KMT2D: variants seen among roughly 807,000 people sequenced by gnomAD.
The protein encoded by KMT2D is lysine methyltransferase 2D.
KMT2D carries 55 observed loss-of-function variants against 512.7 expected under a neutral mutation model. The observed-to-expected ratio is 0.11, with a 90% CI of 0.09 to 0.13. The LOEUF is 0.13. Ranked by LOEUF, KMT2D falls within the 10% of genes least tolerant of loss-of-function variation. The probability of loss-of-function intolerance (pLI) is 1.00; values close to 1 mark genes in which losing one functional copy is unlikely to be tolerated. For synonymous variants in KMT2D, 2,995 were observed against 2,904.0 expected (o/e 1.03, Z -1.01); for missense variants, 6,061 against 7,127.9 (o/e 0.85, Z 5.39).
At chr12:49,028,761 C>T (rs1036889719) in intron 46 of KMT2D, 67 bp downstream of exon 46, 2 of 1,588,680 alleles carry the variant, frequency 1.3e-6, no homozygotes, top group Admixed American at 3.5e-5. Flanking sequence ...TTTCCTTATC[C>T]AGACAAATTC....
rs2120541265 is a variant in KMT2D at position 49,041,083 on chromosome 12, G to A, written c.6687C>T (p.Thr2229=). 6.5e-7 allele frequency: 1 copy of A among 1,536,204 alleles called. No individual in the cohort carries two copies. The highest frequency in any genetic ancestry group is 1.3e-5 in the South Asian group (1 of 77,074). ...GCTGGTGTCTGGGGGTGCCAGGTGG[G>A]GTAGTGTGGAATTCCCCTGGCTGGC... The part of the protein sequence containing the change: ...GAGQPGEFHT[T]PPGTPRHQPS... Residue 2229 remains threonine, a synonymous_variant, in exon 32 of 55, where the codon ACC becomes ACT. Coordinates refer to ENST00000301067, the MANE Select transcript of KMT2D (RefSeq NM_003482.4). The surrounding 1 kb of genome is among the most constrained non-coding windows in gnomAD (Gnocchi z 5.4).
chr12:49,029,692 T>G (rs1265156981), intron 43 of KMT2D, among the ~76,000 whole-genome samples: 5 of 150,658 alleles, frequency 3.3e-5, no homozygotes, highest in Non-Finnish European at 7.4e-5. Context: ...TTTTTTTTTT[T>G]TCCCGTAGAG....
intron 19 of KMT2D, among the ~76,000 whole-genome samples, chr12:49,045,531 C>G (rs1943743468): frequency 6.6e-6 from 1 of 151,650 alleles, no homozygotes; most frequent in Admixed American, 6.6e-5. Context: ...GTAGTCCCAG[C>G]TACTCAGGAG....
At position 49,030,960 on chromosome 12, in the gene KMT2D, G is replaced by T. The variant is rs2120412366; in HGVS notation, c.13604C>A (p.Ser4535Tyr). The T allele has an allele frequency of 6.2e-7, 1 of 1,613,944 alleles. No individual in the cohort carries two copies. Among genetic ancestry groups the T allele is most frequent in the Non-Finnish European group, 8.5e-7 (1 of 1,179,858 alleles). ...VQKASDRLVSSRKKLRKEDGV... is the reference protein window; with the variant it reads ...VQKASDRLVSYRKKLRKEDGV... ...GTCCTCCTTCCGCAGCTTCTTTCGG[G>T]AGCTCACCAACCTGTCGCTTGCCTT... The change falls in exon 41 of 55, where the codon TCC (serine) becomes TAC (tyrosine). Residue 4535 changes from serine to tyrosine, a missense_variant. Coordinates refer to ENST00000301067, the MANE Select transcript of KMT2D (RefSeq NM_003482.4).
intron 35 of KMT2D, 106 bp downstream of exon 35, chr12:49,037,019 T>G: frequency 7.2e-7 from 1 of 1,398,092 alleles, no homozygotes; most frequent in Non-Finnish European, 9.5e-7. Context: ...AAGTTCTTTG[T>G]GTCCCATCTT....
intron 1 of KMT2D, among the ~76,000 whole-genome samples, chr12:49,058,041 G>A (rs1206585468): frequency 6.6e-6 from 1 of 152,214 alleles, no homozygotes; most frequent in Non-Finnish European, 1.5e-5. Flanking sequence ...TTGGAGAAGT[G>A]TAAGGCTGAA....
rs200939188 is a variant in KMT2D at position 49,051,718 on chromosome 12, G to A, written c.1965C>T (p.Pro655=). 6 of 1,545,360 alleles carry A rather than the reference G, an allele frequency of 3.9e-6. No individual in the cohort carries two copies. The highest frequency in any genetic ancestry group is 2.4e-5 in the East Asian group (1 of 40,830). Residue 655 remains proline, a synonymous_variant, in exon 11 of 55, where the codon CCC becomes CCT. Transcript: ENST00000301067. ...GAGACAGGCGTGACACCACAGGCAG[G>A]GGGGATAGGCGCGATACCTCAGGTG... ...SPPPEVSRLS[P]LPVVSRLSPP...
chr12:49,043,612 C>A (rs2120570828), intron 24 of KMT2D, 23 bp downstream of exon 24: 2 of 1,613,320 alleles, frequency 1.2e-6, no homozygotes, highest in Non-Finnish European at 1.7e-6. Context: ...TTCTCTCACA[C>A]CACTCACTCC....
At position 49,054,715 on chromosome 12, in the gene KMT2D, G is replaced by C. The variant is rs372109249; in HGVS notation, c.213C>G (p.Cys71Trp). 1 of 1,613,566 alleles carries C rather than the reference G, an allele frequency of 6.2e-7. No individual in the cohort carries two copies. Among genetic ancestry groups the C allele is most frequent in the Non-Finnish European group, 8.5e-7 (1 of 1,179,676 alleles). The change falls in exon 4 of 55, where the codon TGC becomes TGG. Residue 71 changes from cysteine (C) to tryptophan (W), a missense_variant. Coordinates refer to ENST00000301067, the MANE Select transcript of KMT2D (RefSeq NM_003482.4). The surrounding 1 kb of genome is among the most constrained non-coding windows in gnomAD (Gnocchi z 6.4). The stretch of plus-strand genomic sequence containing the variant: ...GCTGCCCGTGTAGACTGGGCTCCCC[G>C]CAGTTACAGAGAGCACAACGCCGCA... ...GPVRRCALCN[C>W]GEPSLHGQRE...
Position 49,031,646 on chromosome 12 carries a change from C to T in KMT2D, c.13059G>A (p.Pro4353=), listed in dbSNP as rs989061149. Residue 4353 remains proline, a synonymous_variant, in exon 40 of 55, where the codon CCG becomes CCA. Coordinates refer to ENST00000301067, the MANE Select transcript of KMT2D (RefSeq NM_003482.4). ...TPKPQGPTLE[P]PPGRVSPAAA... is the part of the protein sequence containing the mutation. Reference sequence around the variant, plus strand: ...CAGCAGGTGAGACCCTCCCAGGAGGCGGCTCCAAGGTTGGCCCCTGAGGTT... The same window carrying T: ...CAGCAGGTGAGACCCTCCCAGGAGGTGGCTCCAAGGTTGGCCCCTGAGGTT... 15 of 1,605,346 alleles carry T rather than the reference C, an allele frequency of 9.3e-6. No homozygotes were observed. Among genetic ancestry groups the T allele is most frequent in the African/African-American group, 6.7e-5 (5 of 74,814 alleles).
At position 49,050,721 on chromosome 12, in the gene KMT2D, T is replaced by C. The variant is rs1777306354; in HGVS notation, c.2867A>G (p.Glu956Gly). ...TTTGGCACCAAAGGGGTACTCTAAC[T>C]CCCCCAAAGGAGACAGGGCCGGTGG... is the stretch of plus-strand genomic sequence containing the variant. ...AAPPALSPLG[E>G]LEYPFGAKGD... The change falls in exon 12 of 55, where the codon GAG (glutamate) becomes GGG (glycine). Residue 956 changes from glutamate (E) to glycine (G), a missense_variant. Around this residue, in one of 16 missense-constraint regions of KMT2D, gnomAD observed 848 missense variants for 838.5 expected, o/e 1.01. Coordinates refer to ENST00000301067, the MANE Select transcript of KMT2D (RefSeq NM_003482.4). The C allele has an allele frequency of 6.2e-7, 1 of 1,612,108 alleles. No individual in the cohort carries two copies. The highest frequency in any genetic ancestry group is 1.7e-5 in the Admixed American group (1 of 59,880).
intron 19 of KMT2D, among the ~76,000 whole-genome samples, chr12:49,045,432 C>T (rs1048492570): frequency 1.3e-5 from 2 of 151,986 alleles, no homozygotes; most frequent in Non-Finnish European, 2.9e-5. Context: ...TCACGAGGTC[C>T]GGAGATCGAG....
At position 49,051,173 on chromosome 12, in the gene KMT2D, G is replaced by A. The variant is rs749344235; in HGVS notation, c.2510C>T (p.Ser837Phe). The change falls in exon 11 of 55, where the codon TCT becomes TTT. Residue 837 changes from serine to phenylalanine, a missense_variant. By Grantham distance (155) the Ser-to-Phe change is radical (BLOSUM62 -2). This residue lies in a region of KMT2D where 848 missense variants were observed against 838.5 expected (regional missense o/e 1.01). Transcript: ENST00000301067. ...QPEESHLSPQ[S>F]EEPCLSPRPE... ...CCGGGGGGACAGGCATGGCTCCTCA[G>A]ACTGGGGGGACAGGTGTGATTCCTC... 6.6e-7 allele frequency: 1 copy of A among 1,515,278 alleles called. No homozygotes were observed. Among genetic ancestry groups the A allele is most frequent in the Non-Finnish European group, 8.9e-7 (1 of 1,128,990 alleles). The allele number at this position is 1,515,278 out of a possible 1,614,324, so 93.9% of individuals were successfully genotyped here. A position where few individuals can be genotyped will look rare whatever the true frequency, so the allele number is the denominator to read the frequency against.
chr12:49,039,648 C>T lies in KMT2D; in HGVS notation c.8047-31G>A, dbSNP rs2120514067. 6.2e-7 allele frequency: 1 copy of T among 1,602,726 alleles called. No individual in the cohort carries two copies. Among genetic ancestry groups the T allele is most frequent in the East Asian group, 2.2e-5 (1 of 44,756 alleles). On this transcript the variant is annotated intron_variant, in intron 32 of 54. Coordinates refer to ENST00000301067, the MANE Select transcript of KMT2D (RefSeq NM_003482.4). This position sits in a 1 kb window ranked among gnomAD's most constrained non-coding sequence, Gnocchi z 5.0. ...CAAAAAAAAGAGAAGAGGAATAAGC[C>T]CATTCTACTCCAATCATAGGGCTGC...
rs1425343764 is a variant in KMT2D, at chr12:49,049,913, G to C, written c.3675C>G (p.Pro1225=). ...DASASFPGSE[P]LLGSPDPEGG... is the part of the protein sequence containing the mutation. ...CCTCCGGGTCTGGAGAGCCCAGGAGGGGCTCTGAGCCAGGAAAACTGGCAC... is the reference window on the plus strand; with the variant it reads ...CCTCCGGGTCTGGAGAGCCCAGGAGCGGCTCTGAGCCAGGAAAACTGGCAC... Residue 1225 remains proline (P), a synonymous_variant, in exon 12 of 55, where the codon CCC becomes CCG. Coordinates refer to ENST00000301067, the MANE Select transcript of KMT2D (RefSeq NM_003482.4). The C allele has an allele frequency of 6.2e-7, 1 of 1,613,946 alleles. No homozygotes were observed. Among genetic ancestry groups the C allele is most frequent in the Non-Finnish European group, 8.5e-7 (1 of 1,179,898 alleles).
In KMT2D at chr12:49,046,030, C is replaced by A. The variant is rs765853101; in HGVS notation, c.4693+35G>T. The A allele has an allele frequency of 2.5e-6, 4 of 1,611,574 alleles. No homozygotes were observed. The Admixed American group carries it at 6.7e-5, about 27-fold the overall frequency. On this transcript the variant is annotated intron_variant, in intron 18 of 54. Transcript: ENST00000301067. The surrounding 1 kb of genome is among the most constrained non-coding windows in gnomAD (Gnocchi z 4.2). ...TGTCCCAAAGCAAGGTACCCCTGCT[C>A]TGACTCCTCCCCCTACCCAGCAGCT...
intron 49 of KMT2D, among the ~76,000 whole-genome samples, chr12:49,025,626 C>G (rs761431837): frequency 1.3e-5 from 2 of 152,160 alleles, no homozygotes; most frequent in Non-Finnish European, 2.9e-5. Context: ...TAGCAATGCA[C>G]GACTGTACTG....
At chr12:49,036,478 A>ATT (rs34412400) in intron 35 of KMT2D, among the ~76,000 whole-genome samples, 22 of 73,444 alleles carry the variant, frequency 3.0e-4, no homozygotes, top group East Asian at 8.1e-4. Flanking sequence ...CACCCAGCTA[A>ATT]TTTTTTTTTT....
At chr12:49,053,713 A>G in intron 6 of KMT2D, 72 bp from the exon 7 acceptor site, 1 of 1,470,880 alleles carries the variant, frequency 6.8e-7, no homozygotes, top group Non-Finnish European at 9.2e-7. Context: ...TGTACACAAA[A>G]CAGGCACTCC....
Sources: gnomAD v4.1 joint callset for allele counts (sites outside exome capture counted in the v4.1 genomes callset) on GRCh38, gnomAD v4.1.1 for gene constraint, gnomAD v4.1.1 regional missense constraint, Gnocchi (gnomAD v3.1) non-coding constraint, MANE v1.5 for transcripts, NCBI Gene and HGNC (gene_info 2026-07-23, HGNC 2026-07-21) for gene names.